NUP214: variants seen among roughly 807,000 people sequenced by gnomAD.
NUP214 encodes the protein nucleoporin 214.
NUP214 carries 79 observed loss-of-function variants against 196.2 expected under a neutral mutation model. The observed-to-expected ratio is 0.40, with a 90% CI of 0.34 to 0.49. NUP214 has a LOEUF of 0.49. Ranked by LOEUF, NUP214 falls within the 20% of genes least tolerant of loss-of-function variation. The probability of loss-of-function intolerance (pLI) is 0.58; values close to 1 mark genes in which losing one functional copy is unlikely to be tolerated. For missense variants in NUP214, 2,468 were observed against 2,539.0 expected, an observed-to-expected ratio of 0.97 and a Z score of 0.60; for synonymous variants, 1,020 against 990.5, an observed-to-expected ratio of 1.03 and a Z score of -0.56.
rs780741797 is a variant in NUP214 at position 131,125,788 on chromosome 9, C to G, written c.45+39C>G. ...CGGGGCCTCCCTCCCTTCTTTAGTCCTGGCGTTGCCTTGGAGCCCAGCTGA... is the reference window on the plus strand; with the variant it reads ...CGGGGCCTCCCTCCCTTCTTTAGTCGTGGCGTTGCCTTGGAGCCCAGCTGA... On this transcript the variant is annotated intron_variant, in intron 1 of 35. Transcript: ENST00000359428. This position sits in a 1 kb window ranked among gnomAD's most constrained non-coding sequence, Gnocchi z 4.1. 22 of 1,548,510 alleles carry G rather than the reference C, an allele frequency of 1.4e-5. No homozygotes were observed. Among genetic ancestry groups the G allele is most frequent in the Non-Finnish European group, 8.7e-7 (1 of 1,145,066 alleles).
intron 30 of NUP214, among the ~76,000 whole-genome samples, chr9:131,213,362 A>G (rs867828205): frequency 3.6e-4 from 54 of 152,042 alleles, no homozygotes; most frequent in Non-Finnish European, 6.5e-4. Context: ...TTTAGTAGAG[A>G]CAGGGTTTCT....
chr9:131,180,183 G>A (rs1833232241), intron 24 of NUP214, among the ~76,000 whole-genome samples: 1 of 152,200 alleles, frequency 6.6e-6, no homozygotes, highest in Admixed American at 6.5e-5. Context: ...AAATCTTGAA[G>A]AAACTTTCTG....
At chr9:131,173,326 G>A (rs1024024527) in intron 21 of NUP214, among the ~76,000 whole-genome samples, 6 of 150,530 alleles carry the variant, frequency 4.0e-5, no homozygotes, top group African/African-American at 1.5e-4. Context: ...AAAGTGCTGG[G>A]ATTACAGGCT....
At chr9:131,163,376 G>A (rs769279255) in intron 19 of NUP214, 21 of 550,040 alleles carry the variant, frequency 3.8e-5, no homozygotes, top group African/African-American at 2.1e-4. Flanking sequence ...GGGATTGTTG[G>A]AGAGTTAAAT....
At chr9:131,148,137 G>A (rs1284372974) in intron 14 of NUP214, among the ~76,000 whole-genome samples, 1 of 152,170 alleles carries the variant, frequency 6.6e-6, no homozygotes, top group African/African-American at 2.4e-5. Flanking sequence ...GAACCCCAGA[G>A]TTCTTTTTCA....
At chr9:131,151,922 A>G (rs751179704) in intron 17 of NUP214, 28 bp downstream of exon 17, 3 of 1,535,922 alleles carry the variant, frequency 2.0e-6, no homozygotes, top group South Asian at 1.2e-5. Flanking sequence ...ATCTGTTTAA[A>G]AGATTTAAAA....
In NUP214 at chr9:131,198,075, C is replaced by G; in HGVS notation, c.4581C>G (p.Pro1527=). The change falls in exon 29 of 36, where the codon CCC becomes CCG. Residue 1527 remains proline, a synonymous_variant. Transcript: ENST00000359428. ...LLEEQQSAQL[P]QAPPQTSDSV... ...AGGAGCAACAGTCAGCCCAGCTTCC[C>G]CAGGCTCCTCCGCAAACTTCTGACT... 1 of 1,614,134 alleles carries G rather than the reference C, an allele frequency of 6.2e-7. No individual in the cohort carries two copies.
chr9:131,131,659 C>T (rs1831547293), intron 5 of NUP214, among the ~76,000 whole-genome samples: 1 of 152,048 alleles, frequency 6.6e-6, no homozygotes, highest in Admixed American at 6.6e-5. Context: ...TCTTGCTTTG[C>T]TGTTTGCCTT....
chr9:131,177,232 C>T (rs1324365176), intron 23 of NUP214, among the ~76,000 whole-genome samples: 1 of 152,118 alleles, frequency 6.6e-6, no homozygotes, highest in African/African-American at 2.4e-5. Flanking sequence ...ATTAAGACAT[C>T]TAACATATAT....
chr9:131,198,930 T>C lies in NUP214; in HGVS notation c.5436T>C (p.Phe1812=), dbSNP rs2131048389. The part of the protein sequence containing the change: ...NAPAFGQSPG[F]GQGGSVFGGT... The stretch of plus-strand genomic sequence containing the variant: ...CTGCTTTTGGGCAGAGTCCTGGCTT[T>C]GGACAGGGAGGCTCTGTCTTTGGTG... Residue 1812 remains phenylalanine (F), a synonymous_variant, in exon 29 of 36, where the codon TTT becomes TTC. Coordinates refer to ENST00000359428, the MANE Select transcript of NUP214 (RefSeq NM_005085.4). 2 of 1,614,172 alleles carry C rather than the reference T, an allele frequency of 1.2e-6. No individual in the cohort carries two copies. The highest frequency in any genetic ancestry group is 4.5e-5 in the East Asian group (2 of 44,882).
At chr9:131,169,025 T>G (rs565057192) in intron 21 of NUP214, among the ~76,000 whole-genome samples, 11 of 46,174 alleles carry the variant, frequency 2.4e-4, no homozygotes, top group East Asian at 6.9e-4. Flanking sequence ...GCTTACTTTG[T>G]TTTTTTTTGT....
At position 131,151,767 on chromosome 9, in the gene NUP214, C is replaced by A; in HGVS notation, c.2309C>A (p.Thr770Lys). The A allele has an allele frequency of 6.2e-7, 1 of 1,612,736 alleles. No individual in the cohort carries two copies. Among genetic ancestry groups the A allele is most frequent in the South Asian group, 1.1e-5 (1 of 90,818 alleles). ...CATGGAGATATAAGTAGCCTGAAAA[C>A]AACTTTACTTGAGGGCTTTGCTGGT... Reference protein sequence around the residue: ...SLHGDISSLKTTLLEGFAGVE... With the variant: ...SLHGDISSLKKTLLEGFAGVE... Residue 770 changes from threonine to lysine, a missense_variant, in exon 17 of 36, where the codon ACA becomes AAA. By Grantham distance (78) the Thr-to-Lys change is moderately conservative (BLOSUM62 -1). Around this residue, in one of 5 missense-constraint regions of NUP214, gnomAD observed 1,801 missense variants for 1,779.4 expected, o/e 1.01. Transcript: ENST00000359428.
chr9:131,174,816 C>A (rs188560290), intron 22 of NUP214, among the ~76,000 whole-genome samples: 1 of 152,232 alleles, frequency 6.6e-6, no homozygotes, highest in African/African-American at 2.4e-5. Flanking sequence ...TGTGTGTTCC[C>A]CTTGAAAGCA....
At position 131,174,164 on chromosome 9, in the gene NUP214, G is replaced by A. The variant is rs777176360; in HGVS notation, c.3003G>A (p.Thr1001=). 6 of 1,613,758 alleles carry A rather than the reference G, an allele frequency of 3.7e-6. No individual in the cohort carries two copies. The highest frequency in any genetic ancestry group is 2.7e-5 in the African/African-American group (2 of 74,982). Reference sequence around the variant, plus strand: ...CTCTGGAGAGTGAAGATGCACGGACGTCCTGTAAAGATGACGAGGCAGTGG... The same window carrying A: ...CTCTGGAGAGTGAAGATGCACGGACATCCTGTAAAGATGACGAGGCAGTGG... ...SQSLESEDAR[T]SCKDDEAVVQ... Residue 1001 remains threonine (T), a synonymous_variant, in exon 22 of 36, where the codon ACG becomes ACA. Coordinates refer to ENST00000359428, the MANE Select transcript of NUP214 (RefSeq NM_005085.4).
At chr9:131,205,788 G>GAAGCTGTATAACCTTTTAT (rs1834059850) in intron 30 of NUP214, among the ~76,000 whole-genome samples, 1 of 151,992 alleles carries the variant, frequency 6.6e-6, no homozygotes, top group African/African-American at 2.4e-5. Flanking sequence ...TCTGCCTGCT[G>GAAGCTGTATAACCTTTTAT]GATTCAACCT....
rs760546408 is a variant in NUP214 at position 131,133,140 on chromosome 9, C to T, written c.762C>T (p.Phe254=). 12 of 1,610,260 alleles carry T rather than the reference C, an allele frequency of 7.5e-6. No homozygotes were observed. Among genetic ancestry groups the T allele is most frequent in the Non-Finnish European group, 1.0e-5 (12 of 1,178,888 alleles). ...TGCTGTGGATTGGTACCTACGTCTTCGCCATAGTGTATGCTGCTGCAGATG... is the reference window on the plus strand; with the variant it reads ...TGCTGTGGATTGGTACCTACGTCTTTGCCATAGTGTATGCTGCTGCAGATG... The part of the protein sequence containing the change: ...LDVLWIGTYV[F]AIVYAAADGT... The change falls in exon 7 of 36, where the codon TTC becomes TTT. Residue 254 remains phenylalanine, a synonymous_variant. Coordinates refer to ENST00000359428, the MANE Select transcript of NUP214 (RefSeq NM_005085.4).
chr9:131,166,325 ACAT>A (rs1832785599), intron 21 of NUP214, among the ~76,000 whole-genome samples: 1 of 152,222 alleles, frequency 6.6e-6, no homozygotes, highest in Non-Finnish European at 1.5e-5. Context: ...TCTTTAGCCC[ACAT>A]CAGATTATAT....
Position 131,228,317 on chromosome 9 carries a change from C to T in NUP214, c.6060C>T (p.Ser2020=), listed in dbSNP as rs147668436. The T allele has an allele frequency of 3.0e-4, 482 of 1,589,244 alleles. No homozygotes were observed. Among genetic ancestry groups the T allele is most frequent in the Non-Finnish European group, 3.8e-4 (441 of 1,171,342 alleles). ...TCGGAGAGGGCACTGCAGCTGCCAGCGCAGGAGGATTCGGGTAAGCCCCCT... is the reference window on the plus strand; with the variant it reads ...TCGGAGAGGGCACTGCAGCTGCCAGTGCAGGAGGATTCGGGTAAGCCCCCT... ...KVFGEGTAAA[S]AGGFGFGSSS... The change falls in exon 33 of 36, where the codon AGC becomes AGT. Residue 2020 remains serine (S), a synonymous_variant. Coordinates refer to ENST00000359428, the MANE Select transcript of NUP214 (RefSeq NM_005085.4).
chr9:131,203,881 CAAAGGT>C (rs2131058290), intron 30 of NUP214, among the ~76,000 whole-genome samples: 1 of 152,084 alleles, frequency 6.6e-6, no homozygotes, highest in East Asian at 1.9e-4. Context: ...TTAATAACCC[CAAAGGT>C]AAAGGGACAA....
Sources: allele counts gnomAD v4.1 joint callset (sites outside exome capture counted in the v4.1 genomes callset), GRCh38; gene constraint gnomAD v4.1.1; regional missense constraint gnomAD v4.1.1; non-coding constraint Gnocchi (gnomAD v3.1); transcripts MANE v1.5; gene names NCBI Gene and HGNC (gene_info 2026-07-23, HGNC 2026-07-21).